ZNF469: variants seen among roughly 807,000 people sequenced by gnomAD.
The protein encoded by ZNF469 is zinc finger protein 469.
Under a neutral mutation model 1.0 loss-of-function variants are expected in ZNF469, and 1 was observed. The ratio of observed to expected loss-of-function variants is 1.00; its 90% confidence interval spans 0.35 to 4.73. The LOEUF is 4.73. ZNF469 is among the 30% of genes most tolerant of loss of function. The probability of loss-of-function intolerance (pLI) is 0.16; values close to 1 mark genes in which losing one functional copy is unlikely to be tolerated. For missense variants in ZNF469, 6,100 were observed against 5,356.3 expected (o/e 1.14, Z -4.33); for synonymous variants, 2,703 against 2,363.4 (o/e 1.14, Z -4.17).
chr16:88,186,632 G>T, the ZNF469 span, among the ~76,000 whole-genome samples: 1 of 152,150 alleles, frequency 6.6e-6, no homozygotes, highest in Non-Finnish European at 1.5e-5. Context: ...CTCCCAAAGC[G>T]CAGCGGGCCC....
intron 1 of ZNF469, among the ~76,000 whole-genome samples, chr16:88,403,142 T>A (rs1904931270): frequency 6.6e-6 from 1 of 151,804 alleles, no homozygotes; most frequent in Non-Finnish European, 1.5e-5. Flanking sequence ...GGAGGCCGAG[T>A]GCGGTTGGGA....
chr16:88,180,505 C>T, the ZNF469 span, among the ~76,000 whole-genome samples: 1 of 152,136 alleles, frequency 6.6e-6, no homozygotes, highest in East Asian at 1.9e-4. Flanking sequence ...GGCGCGGTGG[C>T]TCACACCTGT....
chr16:88,418,826 T>C (rs1374668651), intron 1 of ZNF469, among the ~76,000 whole-genome samples: 1 of 152,222 alleles, frequency 6.6e-6, no homozygotes, highest in East Asian at 1.9e-4. Flanking sequence ...TAACAGATAG[T>C]TTTTAAGCAA....
chr16:88,188,908 A>C, the ZNF469 span, among the ~76,000 whole-genome samples: 1 of 151,938 alleles, frequency 6.6e-6, no homozygotes, highest in Non-Finnish European at 1.5e-5. Flanking sequence ...TTGTGTCACT[A>C]CCTGCTTCTG....
chr16:88,223,393 A>T, the ZNF469 span, among the ~76,000 whole-genome samples: 1 of 151,844 alleles, frequency 6.6e-6, no homozygotes, highest in East Asian at 1.9e-4. Flanking sequence ...AGTCCATTAA[A>T]CCTCTTTTTC....
the ZNF469 span, among the ~76,000 whole-genome samples, chr16:88,335,447 T>C: frequency 6.6e-6 from 1 of 152,214 alleles, no homozygotes; most frequent in African/African-American, 2.4e-5. Flanking sequence ...GCTGGTGCCA[T>C]GGCGAGACAG....
chr16:88,415,804 G>A (rs1357320781), intron 1 of ZNF469, among the ~76,000 whole-genome samples: 3 of 152,206 alleles, frequency 2.0e-5, no homozygotes, highest in Non-Finnish European at 4.4e-5. Flanking sequence ...CAGGCGTGTA[G>A]CTCCCAAGCC....
At chr16:88,281,952 C>T in the ZNF469 span, among the ~76,000 whole-genome samples, 45,427 of 152,052 alleles carry the variant, frequency 0.3, 7,292 homozygotes, top group Non-Finnish European at 0.35. Context: ...GATTGTACTG[C>T]GAGATGTTGA....
the ZNF469 span, among the ~76,000 whole-genome samples, chr16:88,206,245 C>A: frequency 1.3e-5 from 2 of 152,212 alleles, no homozygotes; most frequent in Non-Finnish European, 2.9e-5. Context: ...ACTTCACTTG[C>A]CGTGGTCCCG....
In ZNF469 at chr16:88,424,742, C is replaced by T. The variant is rs1232902162; in HGVS notation, c.-191-65C>T. Among the ~76,000 whole-genome samples the T allele has an allele frequency of 6.6e-6, 1 of 152,158 alleles. No individual in the cohort carries two copies. Among genetic ancestry groups the T allele is most frequent in the Non-Finnish European group, 1.5e-5 (1 of 68,028 alleles). Reference sequence around the variant, plus strand: ...GCCGCTCCCTCCCACCTGGCTTCTCCTCGGGCTCTTGGTCCAGAGCCATGC... The same window carrying T: ...GCCGCTCCCTCCCACCTGGCTTCTCTTCGGGCTCTTGGTCCAGAGCCATGC... On this transcript the variant is annotated intron_variant, in intron 1 of 2. Coordinates refer to ENST00000565624, the MANE Select transcript of ZNF469 (RefSeq NM_001367624.2). The surrounding 1 kb of genome is among the most constrained non-coding windows in gnomAD (Gnocchi z 4.3).
At chr16:88,290,997 A>G in the ZNF469 span, among the ~76,000 whole-genome samples, 3 of 152,162 alleles carry the variant, frequency 2.0e-5, no homozygotes. Context: ...TGTCCAGGGC[A>G]GCTCCTGCCA....
the ZNF469 span, among the ~76,000 whole-genome samples, chr16:88,143,844 A>C: frequency 2.6e-5 from 4 of 151,602 alleles, no homozygotes; most frequent in African/African-American, 9.7e-5. Flanking sequence ...CTGCATCTTC[A>C]CTTGTCTGCC....
the ZNF469 span, chr16:88,178,789 C>G: frequency 6.6e-6 from 1 of 152,168 alleles, no homozygotes; most frequent in South Asian, 2.1e-4. Flanking sequence ...CTCACTCATT[C>G]AGGAATAATC....
At position 88,423,072 on chromosome 16, in the gene ZNF469, GTAGA is replaced by G. The variant is rs746464896; in HGVS notation, c.-191-1729_-191-1726del. 3.0e-4 allele frequency among the ~76,000 whole-genome samples: 44 copies of G among 148,610 alleles called. 1 individual carries two copies. The highest frequency in any genetic ancestry group is 7.0e-3 in the Middle Eastern group (2 of 286). ...GGATGGATGGGTAGATGATGGATGGGTAGATAGATGGATGATGATGATGATGGAT... is the reference window on the plus strand; with the variant it reads ...GGATGGATGGGTAGATGATGGATGGGTAGATGGATGATGATGATGATGGAT... On this transcript the variant is annotated intron_variant, in intron 1 of 2. Coordinates refer to ENST00000565624, the MANE Select transcript of ZNF469 (RefSeq NM_001367624.2).
the ZNF469 span, among the ~76,000 whole-genome samples, chr16:88,262,332 G>T: frequency 7.2e-5 from 11 of 152,368 alleles, no homozygotes; most frequent in East Asian, 2.1e-3. The surrounding 1 kb of genome is among the most constrained non-coding windows in gnomAD (Gnocchi z 4.3). Context: ...CAGCCTGGCT[G>T]CTCAAAGAGC....
At chr16:88,189,458 C>T in the ZNF469 span, among the ~76,000 whole-genome samples, 93 of 152,314 alleles carry the variant, frequency 6.1e-4, no homozygotes, top group Non-Finnish European at 1.2e-3. This position sits in a 1 kb window ranked among gnomAD's most constrained non-coding sequence, Gnocchi z 4.3. Context: ...CCTGGACATG[C>T]GTGTCTGCAT....
chr16:88,434,869 G>C lies in ZNF469; in HGVS notation c.7399G>C (p.Ala2467Pro). 6.5e-7 allele frequency: 1 copy of C among 1,550,364 alleles called. No homozygotes were observed. The highest frequency in any genetic ancestry group is 1.2e-5 in the South Asian group (1 of 84,068). ...AGAGAACGGCCAGTGGAAGGGCCAA[G>C]CTCCACATGGGCCTGTGACCTGTGA... ...STENGQWKGQAPHGPVTCEVC... is the reference protein window; with the variant it reads ...STENGQWKGQPPHGPVTCEVC... Residue 2467 changes from alanine to proline, a missense_variant, in exon 3 of 3, where the codon GCT becomes CCT. Coordinates refer to ENST00000565624, the MANE Select transcript of ZNF469 (RefSeq NM_001367624.2).
chr16:88,220,511 T>G, the ZNF469 span, among the ~76,000 whole-genome samples: 1 of 152,178 alleles, frequency 6.6e-6, no homozygotes, highest in African/African-American at 2.4e-5. Context: ...GTGTGACCCA[T>G]GACGGGACGG....
At chr16:88,140,919 G>T in the ZNF469 span, among the ~76,000 whole-genome samples, 1 of 152,076 alleles carries the variant, frequency 6.6e-6, no homozygotes, top group African/African-American at 2.4e-5. Flanking sequence ...GGTGACAGAA[G>T]GAGACTCTGT....
Sources: gnomAD v4.1 joint callset for allele counts (sites outside exome capture counted in the v4.1 genomes callset) on GRCh38, gnomAD v4.1.1 for gene constraint, Gnocchi (gnomAD v3.1) non-coding constraint, MANE v1.5 for transcripts, NCBI Gene and HGNC (gene_info 2026-07-23, HGNC 2026-07-21) for gene names.